TPST1: variants seen among roughly 807,000 people sequenced by gnomAD.
TPST1 encodes protein-tyrosine sulfotransferase 1.
In TPST1, 20 loss-of-function variants were observed where a neutral mutation model predicts 34.8. The observed-to-expected ratio is 0.57, with a 90% CI of 0.40 to 0.84. The LOEUF (loss-of-function observed/expected upper bound fraction) is 0.84. TPST1 is among the 40% of genes least tolerant of loss of function. The pLI is 0.00. For synonymous variants in TPST1, 152 were observed against 159.4 expected, an observed-to-expected ratio of 0.95 and a Z score of 0.35; for missense variants, 353 against 455.5, an observed-to-expected ratio of 0.78 and a Z score of 2.05.
At position 66,241,101 on chromosome 7, in the gene TPST1, T is replaced by G; in HGVS notation, c.676T>G (p.Cys226Gly). ...NRAIETMYNQCMEVGYKKCML... is the reference protein window; with the variant it reads ...NRAIETMYNQGMEVGYKKCML... Reference sequence around the variant, plus strand: ...TGCTATAGAGACCATGTATAACCAGTGTATGGAGGTTGGTTATAAAAAGTG... The same window carrying G: ...TGCTATAGAGACCATGTATAACCAGGGTATGGAGGTTGGTTATAAAAAGTG... Residue 226 changes from cysteine (C) to glycine (G), a missense_variant, in exon 2 of 6, where the codon TGT becomes GGT. Coordinates refer to ENST00000304842, the MANE Select transcript of TPST1 (RefSeq NM_003596.4). The G allele has an allele frequency of 3.1e-6, 5 of 1,614,130 alleles. No homozygotes were observed. Among genetic ancestry groups the G allele is most frequent in the Non-Finnish European group, 4.2e-6 (5 of 1,180,016 alleles).
At chr7:66,337,669 C>A (rs1792148503) in intron 3 of TPST1, among the ~76,000 whole-genome samples, 1 of 152,018 alleles carries the variant, frequency 6.6e-6, no homozygotes, top group South Asian at 2.1e-4. Flanking sequence ...ATTGTTTAAG[C>A]AATAAAAAGA....
chr7:66,267,054 A>G (rs1274241929), intron 2 of TPST1, among the ~76,000 whole-genome samples: 4 of 152,212 alleles, frequency 2.6e-5, no homozygotes, highest in Non-Finnish European at 5.9e-5. Context: ...CTTAAAAAAA[A>G]TCTTGATTGC....
intron 1 of TPST1, among the ~76,000 whole-genome samples, chr7:66,212,439 T>A (rs1223627747): frequency 6.9e-6 from 1 of 144,244 alleles, no homozygotes; most frequent in Non-Finnish European, 1.5e-5. Flanking sequence ...TATATTGATA[T>A]CAGTGTATTT....
At chr7:66,346,213 T>G (rs961000946) in intron 3 of TPST1, among the ~76,000 whole-genome samples, 1 of 151,886 alleles carries the variant, frequency 6.6e-6, no homozygotes, top group Non-Finnish European at 1.5e-5. Context: ...AATATTTCCT[T>G]TATCCATTTA....
At chr7:66,245,603 G>A (rs1005398739) in intron 2 of TPST1, among the ~76,000 whole-genome samples, 4 of 152,214 alleles carry the variant, frequency 2.6e-5, no homozygotes, top group African/African-American at 9.6e-5. Flanking sequence ...GAAGGTTCAG[G>A]AGCCTGACTG....
chr7:66,306,744 C>G (rs1445321944), intron 3 of TPST1, among the ~76,000 whole-genome samples: 1 of 152,130 alleles, frequency 6.6e-6, no homozygotes, highest in East Asian at 1.9e-4. Context: ...TGGAGTTTCA[C>G]TCTTGGTGCC....
chr7:66,248,596 C>T (rs1386598977), intron 2 of TPST1, among the ~76,000 whole-genome samples: 5 of 148,478 alleles, frequency 3.4e-5, no homozygotes, highest in East Asian at 2.0e-4. Flanking sequence ...CTCTGCCTCA[C>T]GAGTTCAAGT....
At chr7:66,300,206 T>A (rs1791286281) in intron 3 of TPST1, among the ~76,000 whole-genome samples, 2 of 152,320 alleles carry the variant, frequency 1.3e-5, no homozygotes, top group East Asian at 3.9e-4. Flanking sequence ...CTATAGCAAT[T>A]TGTTTTGTTA....
chr7:66,304,341 C>T (rs552320063), intron 3 of TPST1, among the ~76,000 whole-genome samples: 32 of 152,266 alleles, frequency 2.1e-4, no homozygotes, highest in Admixed American at 1.6e-3. Context: ...TGAAGACTGC[C>T]ACGGGGATAA....
chr7:66,310,614 C>T (rs1389279281), intron 3 of TPST1, among the ~76,000 whole-genome samples: 1 of 151,968 alleles, frequency 6.6e-6, no homozygotes, highest in Non-Finnish European at 1.5e-5. Context: ...TTCTGGTTGC[C>T]CATGAAGATC....
chr7:66,355,241 A>G (rs574010874), intron 4 of TPST1, among the ~76,000 whole-genome samples: 4 of 152,144 alleles, frequency 2.6e-5, no homozygotes, highest in African/African-American at 7.2e-5. Context: ...TGGGAGGCCA[A>G]GGCGGCTGGA....
At chr7:66,312,202 TC>T (rs1466727064) in intron 3 of TPST1, among the ~76,000 whole-genome samples, 3 of 152,210 alleles carry the variant, frequency 2.0e-5, no homozygotes, top group Non-Finnish European at 4.4e-5. Flanking sequence ...AGAAATAGGT[TC>T]CCCTCATCCT....
chr7:66,259,565 A>G (rs1790445579), intron 2 of TPST1, among the ~76,000 whole-genome samples: 1 of 151,746 alleles, frequency 6.6e-6, no homozygotes, highest in Non-Finnish European at 1.5e-5. Context: ...ATGTTTCCAT[A>G]GTTCACTGAT....
At chr7:66,258,850 G>A (rs1351912910) in intron 2 of TPST1, among the ~76,000 whole-genome samples, 2 of 152,182 alleles carry the variant, frequency 1.3e-5, no homozygotes, top group African/African-American at 2.4e-5. Flanking sequence ...TGTGCATAGT[G>A]TGGACTTATG....
chr7:66,270,576 C>T (rs545677833), intron 2 of TPST1, among the ~76,000 whole-genome samples: 11 of 152,298 alleles, frequency 7.2e-5, no homozygotes, highest in Non-Finnish European at 1.3e-4. Context: ...CTCTTTTAAT[C>T]GACAGATTTC....
At chr7:66,320,667 C>T (rs1045857669) in intron 3 of TPST1, among the ~76,000 whole-genome samples, 16 of 151,908 alleles carry the variant, frequency 1.1e-4, no homozygotes, top group South Asian at 4.2e-4. Context: ...GGAGTGATCT[C>T]GTCTCACCAC....
chr7:66,257,867 T>A (rs192976422), intron 2 of TPST1, among the ~76,000 whole-genome samples: 1 of 152,318 alleles, frequency 6.6e-6, no homozygotes, highest in East Asian at 1.9e-4. Flanking sequence ...GGAACCATTT[T>A]CCAAGTAGCC....
chr7:66,254,494 C>T (rs1036166556), intron 2 of TPST1, among the ~76,000 whole-genome samples: 1 of 152,146 alleles, frequency 6.6e-6, no homozygotes, highest in African/African-American at 2.4e-5. Flanking sequence ...ACCTCCGCCT[C>T]CCGGATTCAG....
intron 2 of TPST1, among the ~76,000 whole-genome samples, chr7:66,258,133 A>C (rs80310411): frequency 0.014 from 2,111 of 150,272 alleles, 59 homozygotes; most frequent in African/African-American, 0.048. Context: ...CTTACTCTCT[A>C]TGTCTGTTTT....
Sources: gnomAD v4.1 joint callset for allele counts (sites outside exome capture counted in the v4.1 genomes callset) on GRCh38, gnomAD v4.1.1 for gene constraint, MANE v1.5 for transcripts, NCBI Gene and HGNC (gene_info 2026-07-23, HGNC 2026-07-21) for gene names.